Variants in FAR2 observed in about 807,000 individuals in gnomAD.
The protein encoded by FAR2 is epididymis secretory protein Li 81.
In FAR2, 19 loss-of-function variants were observed where a neutral mutation model predicts 56.0. That is an observed-to-expected ratio of 0.34 (90% CI 0.24 to 0.50). The LOEUF (loss-of-function observed/expected upper bound fraction) is 0.50. Ranked by LOEUF, FAR2 falls within the 20% of genes least tolerant of loss-of-function variation. The pLI is 0.98. For missense variants in FAR2, 508 were observed against 642.2 expected (o/e 0.79, Z 2.26); for synonymous variants, 219 against 218.8 (o/e 1.00, Z -0.01).
At chr12:29,183,135 C>T (rs569651058) in intron 1 of FAR2, among the ~76,000 whole-genome samples, 25 of 152,178 alleles carry the variant, frequency 1.6e-4, no homozygotes, top group African/African-American at 4.1e-4. Context: ...GTCAGTATAT[C>T]GTTTTAGAAA....
intron 2 of FAR2, among the ~76,000 whole-genome samples, chr12:29,288,468 TA>T (rs1373465659): frequency 1.3e-5 from 2 of 152,210 alleles, no homozygotes; most frequent in Non-Finnish European, 2.9e-5. Context: ...GTTTTTTCTT[TA>T]CTCATTTTGA....
At chr12:29,312,460 T>C (rs1484423039) in intron 8 of FAR2, among the ~76,000 whole-genome samples, 1 of 152,144 alleles carries the variant, frequency 6.6e-6, no homozygotes, top group Non-Finnish European at 1.5e-5. Context: ...ACTAGCGATT[T>C]GTAAAAGTGA....
At chr12:29,284,044 G>A (rs1591926573) in intron 2 of FAR2, among the ~76,000 whole-genome samples, 1 of 152,256 alleles carries the variant, frequency 6.6e-6, no homozygotes, top group South Asian at 2.1e-4. Context: ...CAACAACCAT[G>A]TCCCACGTCT....
chr12:29,209,712 G>C (rs966634747), intron 1 of FAR2, among the ~76,000 whole-genome samples: 7 of 151,860 alleles, frequency 4.6e-5, no homozygotes, highest in African/African-American at 1.7e-4. Flanking sequence ...GTGTGTGTGT[G>C]TGTGTGTCTG....
intron 1 of FAR2, among the ~76,000 whole-genome samples, chr12:29,257,355 C>G (rs1255040650): frequency 6.6e-6 from 1 of 152,086 alleles, no homozygotes; most frequent in African/African-American, 2.4e-5. Flanking sequence ...GTGTCTAGCT[C>G]AGGGATTGTA....
chr12:29,153,951 G>C (rs1351545754), intron 1 of FAR2, among the ~76,000 whole-genome samples: 1 of 152,150 alleles, frequency 6.6e-6, no homozygotes, highest in Non-Finnish European at 1.5e-5. Flanking sequence ...GATCGCCCTG[G>C]TTATTACCTC....
At chr12:29,307,253 A>G (rs755526032) in intron 4 of FAR2, among the ~76,000 whole-genome samples, 16 of 152,210 alleles carry the variant, frequency 1.1e-4, no homozygotes, top group Non-Finnish European at 1.9e-4. Flanking sequence ...TAAAGTTCTA[A>G]TTTAGTACTA....
At chr12:29,205,777 G>C (rs1947471896) in intron 1 of FAR2, among the ~76,000 whole-genome samples, 1 of 151,920 alleles carries the variant, frequency 6.6e-6, no homozygotes, top group African/African-American at 2.4e-5. Flanking sequence ...TCACACAGCT[G>C]AATGTTAAAG....
chr12:29,185,396 C>T (rs906102338), intron 1 of FAR2, among the ~76,000 whole-genome samples: 2 of 152,026 alleles, frequency 1.3e-5, no homozygotes, highest in African/African-American at 4.8e-5. Context: ...GCTTATGATC[C>T]TGCTTACAGC....
intron 1 of FAR2, among the ~76,000 whole-genome samples, chr12:29,198,282 AGCCGG>A (rs2136613475): frequency 6.6e-6 from 1 of 152,126 alleles, no homozygotes; most frequent in Admixed American, 6.5e-5. Flanking sequence ...GCTGGAGTGC[AGCCGG>A]GCATGATCTC....
intron 10 of FAR2, among the ~76,000 whole-genome samples, chr12:29,324,513 C>G (rs182098463): frequency 9.2e-5 from 14 of 152,304 alleles, no homozygotes; most frequent in African/African-American, 3.4e-4. Context: ...GGTCGGGTTA[C>G]CCACAAAGGG....
At chr12:29,218,095 G>A (rs971965990) in intron 1 of FAR2, among the ~76,000 whole-genome samples, 2 of 151,822 alleles carry the variant, frequency 1.3e-5, no homozygotes, top group African/African-American at 2.4e-5. Flanking sequence ...GGTGGCTCAC[G>A]CCTGTAATCC....
chr12:29,185,309 C>T (rs1950031100), intron 1 of FAR2, among the ~76,000 whole-genome samples: 1 of 152,278 alleles, frequency 6.6e-6, no homozygotes, highest in Non-Finnish European at 1.5e-5. Flanking sequence ...CTATCCTGTC[C>T]TCTGGATCCC....
chr12:29,185,027 G>A (rs73073792), intron 1 of FAR2, among the ~76,000 whole-genome samples: 27,258 of 151,892 alleles, frequency 0.18, 2,549 homozygotes, highest in Non-Finnish European at 0.21. Context: ...GATAATGTCT[G>A]TTTCATAGGG....
intron 3 of FAR2, among the ~76,000 whole-genome samples, chr12:29,295,962 G>C (rs897437707): frequency 2.0e-5 from 3 of 150,550 alleles, no homozygotes; most frequent in Non-Finnish European, 4.4e-5. Context: ...TAGAGACGGG[G>C]TTTCACCTTG....
At position 29,333,515 on chromosome 12, in the gene FAR2, C is replaced by A. The variant is rs76197866; in HGVS notation, c.1386-117C>A. 2.1e-5 allele frequency: 20 copies of A among 933,006 alleles called. No individual in the cohort carries two copies. In the African/African-American group the frequency reaches 2.8e-4, roughly 13 times the overall value. The allele number at this position is 933,006 out of a possible 1,614,324, so 57.8% of individuals were successfully genotyped here. A position where few individuals can be genotyped will look rare whatever the true frequency, so the allele number is the denominator to read the frequency against. ...CCAATTGGCCAAGTTATATCAAATA[C>A]TCTGAGCACTTCATAAATACTTGCC... On this transcript the variant is annotated intron_variant, in intron 11 of 11. Coordinates refer to ENST00000536681, the MANE Select transcript of FAR2 (RefSeq NM_001271783.2).
chr12:29,266,806 A>G (rs1948524469), intron 1 of FAR2, among the ~76,000 whole-genome samples: 1 of 152,154 alleles, frequency 6.6e-6, no homozygotes, highest in African/African-American at 2.4e-5. Context: ...TGTAAACACT[A>G]CAGGCTCATT....
intron 5 of FAR2, among the ~76,000 whole-genome samples, chr12:29,308,719 C>CATATAT (rs71042985): frequency 8.4e-4 from 111 of 132,366 alleles, no homozygotes; most frequent in East Asian, 2.2e-3. Context: ...CACACACACA[C>CATATAT]ATATATATAT....
intron 1 of FAR2, among the ~76,000 whole-genome samples, chr12:29,247,853 C>A (rs142983063): frequency 6.6e-6 from 1 of 152,128 alleles, no homozygotes; most frequent in Non-Finnish European, 1.5e-5. Flanking sequence ...GTTTATTAAT[C>A]GTTGGTATGC....
Sources: gnomAD v4.1 joint callset for allele counts (sites outside exome capture counted in the v4.1 genomes callset) on GRCh38, gnomAD v4.1.1 for gene constraint, MANE v1.5 for transcripts, NCBI Gene and HGNC (gene_info 2026-07-23, HGNC 2026-07-21) for gene names.